The following ADK variants were observed in gnomAD, a reference collection of about 807,000 sequenced individuals.
The protein encoded by ADK is adenosine kinase.
Under a neutral mutation model 44.7 loss-of-function variants are expected in ADK, and 24 were observed. The ratio of observed to expected loss-of-function variants is 0.54; its 90% confidence interval spans 0.39 to 0.76. The LOEUF is 0.76. Among genes scored for constraint, ADK ranks in the 30% least tolerant of loss-of-function variants. ADK has a pLI of 0.00. For missense variants in ADK, 321 were observed against 425.1 expected (o/e 0.76, Z 2.15); for synonymous variants, 128 against 142.6 (o/e 0.90, Z 0.73).
chr10:74,684,160 C>T (rs983423190), intron 10 of ADK, among the ~76,000 whole-genome samples: 1 of 152,156 alleles, frequency 6.6e-6, no homozygotes, highest in Non-Finnish European at 1.5e-5. Context: ...AGAAGTTTAG[C>T]CCCTAAAATC....
chr10:74,631,292 GAGA>G (rs1853412406), intron 9 of ADK, among the ~76,000 whole-genome samples: 1 of 139,462 alleles, frequency 7.2e-6, no homozygotes, highest in South Asian at 2.3e-4. Flanking sequence ...TTTTTTTTTT[GAGA>G]AGGAGTTTCA....
At chr10:74,600,572 TTATAA>T (rs1275891099) in intron 9 of ADK, 79 bp downstream of exon 9, 6 of 722,888 alleles carry the variant, frequency 8.3e-6, no homozygotes, top group South Asian at 4.8e-5. Context: ...ATTCTTTCTA[TTATAA>T]TATATACAAT....
intron 7 of ADK, chr10:74,527,527 TATAGC>T: frequency 1.5e-6 from 1 of 652,132 alleles, no homozygotes; most frequent in African/African-American, 1.8e-5. Context: ...TTTGAAAAAA[TATAGC>T]AGAGCACGCA....
At chr10:74,365,292 G>A (rs1842463663) in intron 4 of ADK, among the ~76,000 whole-genome samples, 1 of 152,104 alleles carries the variant, frequency 6.6e-6, no homozygotes, top group African/African-American at 2.4e-5. Flanking sequence ...CTCCCCTCCA[G>A]CTAGCCCCGT....
intron 4 of ADK, among the ~76,000 whole-genome samples, chr10:74,378,338 T>C (rs922414187): frequency 1.3e-5 from 2 of 152,188 alleles, no homozygotes; most frequent in Non-Finnish European, 2.9e-5. Flanking sequence ...TTTCCCTTTT[T>C]TTCATATTTT....
chr10:74,167,353 G>T (rs1246542850), intron 1 of ADK, among the ~76,000 whole-genome samples: 1 of 152,162 alleles, frequency 6.6e-6, no homozygotes, highest in East Asian at 1.9e-4. Context: ...CCAAAATTTG[G>T]TGGCTTAAAA....
At chr10:74,390,138 T>C (rs1592140840) in intron 4 of ADK, among the ~76,000 whole-genome samples, 1 of 152,228 alleles carries the variant, frequency 6.6e-6, no homozygotes, top group East Asian at 1.9e-4. Context: ...AAGTAAGTTA[T>C]AGAATAACAC....
intron 9 of ADK, among the ~76,000 whole-genome samples, chr10:74,613,495 C>G (rs1032322293): frequency 6.6e-6 from 1 of 152,098 alleles, no homozygotes. Context: ...TAAATAGTCT[C>G]CTACTTTTGA....
intron 7 of ADK, among the ~76,000 whole-genome samples, chr10:74,570,805 C>G (rs1165435119): frequency 6.6e-6 from 1 of 152,096 alleles, no homozygotes. Flanking sequence ...ATTGCCCTGG[C>G]CAGAACTTCC....
chr10:74,575,731 T>C (rs901733450), intron 7 of ADK, among the ~76,000 whole-genome samples: 3 of 152,164 alleles, frequency 2.0e-5, no homozygotes, highest in Non-Finnish European at 4.4e-5. Context: ...CTGGAACTTT[T>C]ATCAGGAAGC....
chr10:74,225,138 C>T (rs1290528265), intron 3 of ADK, among the ~76,000 whole-genome samples: 2 of 152,158 alleles, frequency 1.3e-5, no homozygotes, highest in East Asian at 1.9e-4. Flanking sequence ...AGGCTGGAGG[C>T]GCAATCTCGG....
chr10:74,702,520 CTTCT>C (rs1278812374), intron 10 of ADK, among the ~76,000 whole-genome samples: 40 of 140,976 alleles, frequency 2.8e-4, no homozygotes, highest in African/African-American at 9.5e-4. Flanking sequence ...GTCTTCCTTC[CTTCT>C]TTCCTTCCTT....
rs192779699 is a variant in ADK, at chr10:74,624,832, G to T, written c.877+24339G>T. 3.0e-4 allele frequency among the ~76,000 whole-genome samples: 45 copies of T among 152,106 alleles called. 1 individual carries two copies. The highest frequency in any genetic ancestry group is 6.8e-3 in the Middle Eastern group (2 of 292). ...TTTAAACAAAAATATTTGGTAAAATGAATTTGTGTATTGGTTGAGGTTTTT... is the reference window on the plus strand; with the variant it reads ...TTTAAACAAAAATATTTGGTAAAATTAATTTGTGTATTGGTTGAGGTTTTT... On this transcript the variant is annotated intron_variant, in intron 9 of 10. Transcript: ENST00000539909.
chr10:74,213,382 T>C (rs147710981), intron 2 of ADK, among the ~76,000 whole-genome samples: 5 of 152,208 alleles, frequency 3.3e-5, no homozygotes, highest in African/African-American at 1.2e-4. Context: ...ACATGTGAGC[T>C]ACAGTGCCTT....
intron 10 of ADK, among the ~76,000 whole-genome samples, chr10:74,707,678 G>A (rs527300275): frequency 2.5e-4 from 38 of 149,912 alleles, no homozygotes; most frequent in Admixed American, 2.4e-3. Flanking sequence ...CAGAAGAATG[G>A]CTTGAACCTG....
chr10:74,513,709 G>A (rs910537443), intron 6 of ADK, among the ~76,000 whole-genome samples: 2 of 151,978 alleles, frequency 1.3e-5, no homozygotes, highest in Non-Finnish European at 2.9e-5. Flanking sequence ...TTTAAATGTG[G>A]AACTTAATCT....
intron 3 of ADK, among the ~76,000 whole-genome samples, chr10:74,225,931 C>T (rs958852557): frequency 6.6e-6 from 1 of 152,026 alleles, no homozygotes; most frequent in Non-Finnish European, 1.5e-5. Context: ...CTTAAAAGTT[C>T]CTTTAGTCCT....
intron 4 of ADK, among the ~76,000 whole-genome samples, chr10:74,379,682 C>G (rs1488338205): frequency 6.6e-6 from 1 of 152,210 alleles, no homozygotes; most frequent in South Asian, 2.1e-4. Context: ...TAAGGTCACT[C>G]TTTACCCAAT....
intron 7 of ADK, among the ~76,000 whole-genome samples, chr10:74,549,554 A>C (rs955367155): frequency 6.6e-6 from 1 of 151,668 alleles, no homozygotes; most frequent in Non-Finnish European, 1.5e-5. Flanking sequence ...TCCCACCTTA[A>C]CCTCCTGAGT....
Sources: gnomAD v4.1 joint callset for allele counts (sites outside exome capture counted in the v4.1 genomes callset) on GRCh38, gnomAD v4.1.1 for gene constraint, MANE v1.5 for transcripts, NCBI Gene and HGNC (gene_info 2026-07-23, HGNC 2026-07-21) for gene names.